Variants in TUBG2 observed in about 807,000 individuals in gnomAD.
TUBG2 encodes tubulin gamma 2, also known as tubulin gamma-2 chain.
Under a neutral mutation model 55.1 loss-of-function variants are expected in TUBG2, and 39 were observed. That is an observed-to-expected ratio of 0.71 (90% CI 0.55 to 0.93). TUBG2 has a LOEUF of 0.93. Among genes scored for constraint, TUBG2 ranks in the 40% least tolerant of loss-of-function variants. The pLI is 0.00. For missense variants in TUBG2, 358 were observed against 599.1 expected, an observed-to-expected ratio of 0.60 and a Z score of 4.20; for synonymous variants, 223 against 241.0, an observed-to-expected ratio of 0.93 and a Z score of 0.69.
chr17:42,662,359 A>G (rs988821106), intron 4 of TUBG2, among the ~76,000 whole-genome samples: 1 of 151,882 alleles, frequency 6.6e-6, no homozygotes, highest in Non-Finnish European at 1.5e-5. Context: ...TAATCCCAAC[A>G]CTTTGGCAGG....
Position 42,662,071 on chromosome 17 carries a change from G to A in TUBG2, c.400-902G>A, listed in dbSNP as rs529614902. 5.9e-5 allele frequency among the ~76,000 whole-genome samples: 9 copies of A among 152,314 alleles called. No homozygotes were observed. In the South Asian group the frequency reaches 6.2e-4, roughly 11 times the overall value. On this transcript the variant is annotated intron_variant, in intron 4 of 10. Coordinates refer to ENST00000251412, the MANE Select transcript of TUBG2 (RefSeq NM_016437.3). ...TGTAATCCCAGCACTTTGGGAGGCC[G>A]AAGCAGGTGGATCATCCGAGCCCAG...
chr17:42,666,624 C>A lies in TUBG2; in HGVS notation c.1180C>A (p.Gln394Lys). The change falls in exon 11 of 11, where the codon CAG becomes AAG. Residue 394 changes from glutamine (Q) to lysine (K), a missense_variant. Physicochemically the swap from Gln to Lys is moderately conservative, Grantham distance 53. Around this residue, in one of 8 missense-constraint regions of TUBG2, gnomAD observed 129 missense variants for 251.6 expected, o/e 0.51. Transcript: ENST00000251412. ...TCAGCTCTTTGAAAGTTCCTGCCAG[C>A]AGTTTGACAAGCTGCGGAAGCGGGA... ...ISSLFESSCQ[Q>K]FDKLRKRDAF... 6.2e-7 allele frequency: 1 copy of A among 1,614,236 alleles called. No individual in the cohort carries two copies. The highest frequency in any genetic ancestry group is 8.5e-7 in the Non-Finnish European group (1 of 1,180,036).
chr17:42,660,601 C>G, intron 3 of TUBG2, 38 bp from the exon 4 acceptor site: 3 of 1,583,740 alleles, frequency 1.9e-6, no homozygotes, highest in Non-Finnish European at 2.6e-6. Context: ...CTCTCTGGAA[C>G]CTTTGGCCTG....
chr17:42,659,806 A>T, intron 1 of TUBG2, 28 bp from the exon 2 acceptor site: 1 of 1,613,950 alleles, frequency 6.2e-7, no homozygotes, highest in East Asian at 2.2e-5. Context: ...AGGCTCCAGC[A>T]GACCCGGGCA....
chr17:42,660,347 A>G, intron 3 of TUBG2, 31 bp downstream of exon 3: 1 of 1,613,784 alleles, frequency 6.2e-7, no homozygotes, highest in African/African-American at 1.3e-5. Context: ...GAGACCTTTG[A>G]TATTCCCATC....
chr17:42,665,364 T>A (rs1041924874), intron 6 of TUBG2, 112 bp from the exon 7 acceptor site: 17 of 1,457,432 alleles, frequency 1.2e-5, no homozygotes, highest in Non-Finnish European at 1.6e-5. Flanking sequence ...TTTTTTTTTT[T>A]AAACTAACAA....
At chr17:42,661,662 C>T (rs1458381395) in intron 4 of TUBG2, among the ~76,000 whole-genome samples, 2 of 152,268 alleles carry the variant, frequency 1.3e-5, no homozygotes, top group Non-Finnish European at 2.9e-5. Flanking sequence ...GGCAGCAACT[C>T]CTATGCGCCG....
At chr17:42,664,527 A>G (rs1369729020) in intron 6 of TUBG2, among the ~76,000 whole-genome samples, 1 of 152,066 alleles carries the variant, frequency 6.6e-6, no homozygotes, top group Non-Finnish European at 1.5e-5. Flanking sequence ...CTTAATGCCC[A>G]CTCATGCTTG....
chr17:42,659,953 C>T lies in TUBG2; in HGVS notation c.162+7C>T. On this transcript the variant is annotated splice_region_variant and intron_variant, in intron 2 of 10. Coordinates refer to ENST00000251412, the MANE Select transcript of TUBG2 (RefSeq NM_016437.3). ...GGACGTCTTTTTCTACCAGGTGCCC[C>T]CAGCGACTTGGCCGGGGGCGGCAGT... 1 of 1,600,758 alleles carries T rather than the reference C, an allele frequency of 6.2e-7. No homozygotes were observed. Among genetic ancestry groups the T allele is most frequent in the Non-Finnish European group, 8.5e-7 (1 of 1,170,136 alleles).
At position 42,663,474 on chromosome 17, in the gene TUBG2, A is replaced by G. The variant is rs748707914; in HGVS notation, c.577A>G (p.Lys193Glu). The G allele has an allele frequency of 1.2e-6, 2 of 1,614,056 alleles. No homozygotes were observed. Among genetic ancestry groups the G allele is most frequent in the Non-Finnish European group, 1.7e-6 (2 of 1,179,956 alleles). ...VQPYNSLLTL[K>E]RLTQNADCVV... ...GCCCTACAATTCACTCCTGACACTC[A>G]AGAGGCTGACGCAGAACGCAGATTG... Residue 193 changes from lysine (K) to glutamate (E), a missense_variant, in exon 6 of 11, where the codon AAG becomes GAG. Transcript: ENST00000251412.
At chr17:42,662,032 C>T (rs2052399462) in intron 4 of TUBG2, among the ~76,000 whole-genome samples, 1 of 152,198 alleles carries the variant, frequency 6.6e-6, no homozygotes, top group Admixed American at 6.5e-5. Flanking sequence ...TGACTAGGCA[C>T]AGTGGCTCAT....
chr17:42,660,550 C>T (rs1038002456), intron 3 of TUBG2, 89 bp from the exon 4 acceptor site: 38 of 1,387,976 alleles, frequency 2.7e-5, no homozygotes, highest in Non-Finnish European at 3.9e-5. Flanking sequence ...AACAATATTC[C>T]AGGGTAGACA....
chr17:42,663,540 G>A, intron 6 of TUBG2, 37 bp downstream of exon 6: 1 of 1,610,942 alleles, frequency 6.2e-7, no homozygotes, highest in East Asian at 2.2e-5. Flanking sequence ...GGGTGTGGTG[G>A]CTCATGCCTG....
chr17:42,663,548 C>T (rs1385772081), intron 6 of TUBG2, 45 bp downstream of exon 6: 2 of 1,608,828 alleles, frequency 1.2e-6, no homozygotes, highest in Middle Eastern at 1.7e-4. Context: ...TGGCTCATGC[C>T]TGTAGTTCTA....
chr17:42,663,344 G>A lies in TUBG2; in HGVS notation c.480-33G>A, dbSNP rs372444492. 1.0e-4 allele frequency: 164 copies of A among 1,613,200 alleles called. No homozygotes were observed. The African/African-American group carries it at 1.3e-3, about 13-fold the overall frequency. Reference sequence around the variant, plus strand: ...TGGGCAGTGATGGAGGGGTCCTTCCGGTTCACTATGCCACCATCCTCTTTT... The same window carrying A: ...TGGGCAGTGATGGAGGGGTCCTTCCAGTTCACTATGCCACCATCCTCTTTT... On this transcript the variant is annotated intron_variant, in intron 5 of 10. Coordinates refer to ENST00000251412, the MANE Select transcript of TUBG2 (RefSeq NM_016437.3).
At chr17:42,661,821 C>T (rs922981844) in intron 4 of TUBG2, among the ~76,000 whole-genome samples, 1 of 152,218 alleles carries the variant, frequency 6.6e-6, no homozygotes, top group Non-Finnish European at 1.5e-5. Context: ...ACCCAAGGAG[C>T]AGTCCTGAGA....
At chr17:42,665,859 C>G (rs375307579) in intron 8 of TUBG2, 32 bp downstream of exon 8, 12 of 1,613,614 alleles carry the variant, frequency 7.4e-6, no homozygotes, top group African/African-American at 2.7e-5. Context: ...CCAGGCCAGG[C>G]TGGCCCTGGG....
intron 6 of TUBG2, 83 bp downstream of exon 6, chr17:42,663,586 T>C: frequency 1.3e-6 from 2 of 1,545,616 alleles, no homozygotes; most frequent in Non-Finnish European, 1.8e-6. Context: ...GGCAGATGGA[T>C]TGCTTGAGCT....
chr17:42,665,298 C>T (rs1430406303), intron 6 of TUBG2, among the ~76,000 whole-genome samples, 178 bp from the exon 7 acceptor site: 4 of 152,042 alleles, frequency 2.6e-5, no homozygotes, highest in African/African-American at 4.8e-5. Flanking sequence ...CCGCCCGTCT[C>T]GGCCTCCCAA....
Sources: gnomAD v4.1 joint callset for allele counts (sites outside exome capture counted in the v4.1 genomes callset) on GRCh38, gnomAD v4.1.1 for gene constraint, gnomAD v4.1.1 regional missense constraint, MANE v1.5 for transcripts, NCBI Gene and HGNC (gene_info 2026-07-23, HGNC 2026-07-21) for gene names.